The following TMEM117 variants were observed in gnomAD, a reference collection of about 807,000 sequenced individuals.
TMEM117 encodes the protein transmembrane protein 117.
In TMEM117, 27 loss-of-function variants were observed where a neutral mutation model predicts 52.4. The observed-to-expected ratio is 0.51, with a 90% CI of 0.38 to 0.71. The LOEUF (loss-of-function observed/expected upper bound fraction) is 0.71, where lower values mean the gene tolerates loss of function less well. TMEM117 is among the 30% of genes least tolerant of loss of function. TMEM117 has a pLI of 0.00. For missense variants in TMEM117, 556 were observed against 630.5 expected, an observed-to-expected ratio of 0.88 and a Z score of 1.26; for synonymous variants, 215 against 206.3, an observed-to-expected ratio of 1.04 and a Z score of -0.36.
chr12:44,286,665 G>A (rs1950642480), intron 5 of TMEM117, among the ~76,000 whole-genome samples: 1 of 152,062 alleles, frequency 6.6e-6, no homozygotes, highest in Admixed American at 6.6e-5. Context: ...ATAAAACCCA[G>A]GAGTTAGAAT....
At chr12:43,922,311 G>T (rs1289660966) in intron 2 of TMEM117, among the ~76,000 whole-genome samples, 1 of 152,098 alleles carries the variant, frequency 6.6e-6, no homozygotes, top group Non-Finnish European at 1.5e-5. Flanking sequence ...TTATTTCTAG[G>T]TTTTTAAAAA....
chr12:43,854,033 G>C (rs375637741), intron 2 of TMEM117, among the ~76,000 whole-genome samples: 1 of 152,172 alleles, frequency 6.6e-6, no homozygotes, highest in Non-Finnish European at 1.5e-5. Flanking sequence ...TTAGGAAAGA[G>C]GCGTTGCAGT....
chr12:44,371,503 G>T (rs552023103), intron 6 of TMEM117, among the ~76,000 whole-genome samples: 1 of 152,128 alleles, frequency 6.6e-6, no homozygotes, highest in East Asian at 1.9e-4. Flanking sequence ...CTAATTTTTA[G>T]CCTAGAAAAT....
intron 3 of TMEM117, among the ~76,000 whole-genome samples, chr12:44,069,640 G>A (rs1246671702): frequency 1.3e-5 from 2 of 152,120 alleles, no homozygotes; most frequent in South Asian, 2.1e-4. Flanking sequence ...GTGTGAGGTG[G>A]GAAACCACTG....
the TMEM117 span, among the ~76,000 whole-genome samples, chr12:43,821,922 G>A: frequency 6.6e-6 from 1 of 152,222 alleles, no homozygotes; most frequent in African/African-American, 2.4e-5. Flanking sequence ...TAAGGTGTCA[G>A]CCATGATGGC....
At chr12:43,974,284 C>T (rs1945637261) in intron 3 of TMEM117, among the ~76,000 whole-genome samples, 1 of 152,072 alleles carries the variant, frequency 6.6e-6, no homozygotes, top group Admixed American at 6.5e-5. Context: ...CTAGTTGAAT[C>T]CCAATATTAA....
Position 44,319,496 on chromosome 12 carries a change from C to T in TMEM117, c.768+19757C>T, listed in dbSNP as rs561553399. On this transcript the variant is annotated intron_variant, in intron 6 of 7. Coordinates refer to ENST00000266534, the MANE Select transcript of TMEM117 (RefSeq NM_032256.3). The stretch of plus-strand genomic sequence containing the variant: ...CCCAGGGGCTGCTTGCCCACCTTCT[C>T]CTCCCTGGGGTCTGGGACGTCCTTC... Among the ~76,000 whole-genome samples the T allele has an allele frequency of 7.2e-5, 11 of 152,286 alleles. No individual in the cohort carries two copies. The South Asian group carries it at 1.9e-3, about 26-fold the overall frequency.
rs141077170 is a variant in TMEM117 at position 44,188,624 on chromosome 12, C to T, written c.511-22666C>T. Among the ~76,000 whole-genome samples the T allele has an allele frequency of 2.3e-3, 353 of 152,226 alleles. 12 individuals are homozygous for T. The East Asian group carries it at 0.035, about 15-fold the overall frequency. The stretch of plus-strand genomic sequence containing the variant: ...GTTTTTTGTATATAATATCTCCCAC[C>T]TGCTGTCCATTTTGCTCAAATGTCA... On this transcript the variant is annotated intron_variant, in intron 4 of 7. Coordinates refer to ENST00000266534, the MANE Select transcript of TMEM117 (RefSeq NM_032256.3).
At chr12:43,925,520 T>C (rs934676967) in intron 2 of TMEM117, among the ~76,000 whole-genome samples, 19 of 152,292 alleles carry the variant, frequency 1.2e-4, no homozygotes, top group African/African-American at 4.1e-4. Context: ...CGGAGGCTGG[T>C]GGAGGCTAGT....
chr12:43,873,409 T>C (rs964066250), intron 2 of TMEM117, among the ~76,000 whole-genome samples: 2 of 152,196 alleles, frequency 1.3e-5, no homozygotes, highest in African/African-American at 4.8e-5. Context: ...AAATTCTCTT[T>C]ACTATATGAT....
At chr12:44,091,356 C>G (rs959871402) in intron 3 of TMEM117, among the ~76,000 whole-genome samples, 70 of 152,166 alleles carry the variant, frequency 4.6e-4, no homozygotes, top group African/African-American at 1.6e-3. Context: ...TATCAACTTT[C>G]TTGTTGGCAG....
At position 44,388,634 on chromosome 12, in the gene TMEM117, C is replaced by T. The variant is rs1952128875; in HGVS notation, c.1507C>T (p.Gln503Ter). ...NESTSATEAD[Q>*]DPTTSKSTPT... ...ATCTACTAGTGCAACAGAAGCTGATCAAGACCCAACGACTTCTAAAAGTAC... is the reference window on the plus strand; with the variant it reads ...ATCTACTAGTGCAACAGAAGCTGATTAAGACCCAACGACTTCTAAAAGTAC... Residue 503 changes from glutamine to a stop codon, truncating the protein, a stop_gained, in exon 8 of 8, where the codon CAA (glutamine) becomes TAA (stop). Transcript: ENST00000266534. LOFTEE classifies it high-confidence loss of function. The T allele has an allele frequency of 1.2e-6, 2 of 1,613,328 alleles. No homozygotes were observed. Among genetic ancestry groups the T allele is most frequent in the East Asian group, 4.5e-5 (2 of 44,870 alleles).
intron 3 of TMEM117, among the ~76,000 whole-genome samples, chr12:43,967,056 A>C (rs899339864): frequency 1.3e-5 from 2 of 151,934 alleles, no homozygotes; most frequent in Non-Finnish European, 2.9e-5. Context: ...TTTCCCCTTA[A>C]GTATAGGTCG....
intron 3 of TMEM117, among the ~76,000 whole-genome samples, chr12:44,133,424 A>T (rs1394769877): frequency 6.6e-6 from 1 of 152,194 alleles, no homozygotes; most frequent in African/African-American, 2.4e-5. Context: ...TTACTGAGTT[A>T]TTTGGAGGAA....
chr12:44,374,619 TGTGTGTG>T (rs1951914240), intron 6 of TMEM117, among the ~76,000 whole-genome samples: 1 of 78,746 alleles, frequency 1.3e-5, no homozygotes, highest in African/African-American at 7.3e-5. Context: ...GAACTATTTG[TGTGTGTG>T]TGTGTGTGTG....
intron 3 of TMEM117, among the ~76,000 whole-genome samples, chr12:44,052,121 A>G (rs888253049): frequency 3.3e-5 from 5 of 152,218 alleles, no homozygotes; most frequent in African/African-American, 1.2e-4. Context: ...ATAATAAAAC[A>G]ATACATATTA....
At chr12:44,327,207 A>G (rs903713489) in intron 6 of TMEM117, among the ~76,000 whole-genome samples, 5 of 152,232 alleles carry the variant, frequency 3.3e-5, no homozygotes, top group African/African-American at 1.2e-4. Flanking sequence ...TGAATATTTA[A>G]AAATTGAAGA....
chr12:43,979,470 T>C (rs911542163), intron 3 of TMEM117, among the ~76,000 whole-genome samples: 1 of 152,186 alleles, frequency 6.6e-6, no homozygotes, highest in African/African-American at 2.4e-5. Context: ...GGAAGTACTT[T>C]CCAATGAAAT....
At chr12:44,324,199 A>G (rs1951168232) in intron 6 of TMEM117, among the ~76,000 whole-genome samples, 1 of 152,068 alleles carries the variant, frequency 6.6e-6, no homozygotes, top group Non-Finnish European at 1.5e-5. Flanking sequence ...GAGACATATG[A>G]AAGGATTGCT....
Sources: allele counts gnomAD v4.1 joint callset (sites outside exome capture counted in the v4.1 genomes callset), GRCh38; gene constraint gnomAD v4.1.1; transcripts MANE v1.5; gene names NCBI Gene and HGNC (gene_info 2026-07-23, HGNC 2026-07-21).